MCHR2: variants seen among roughly 807,000 people sequenced by gnomAD.
MCHR2 encodes melanin concentrating hormone receptor 2.
A neutral mutation model predicts 24.8 loss-of-function variants in MCHR2; 15 were observed. The observed-to-expected ratio is 0.60, with a 90% CI of 0.40 to 0.93. The LOEUF is 0.93. Among genes scored for constraint, MCHR2 ranks in the 40% least tolerant of loss-of-function variants. MCHR2 has a pLI of 0.00. For synonymous variants in MCHR2, 151 were observed against 147.6 expected (o/e 1.02, Z -0.17); for missense variants, 386 against 408.7 (o/e 0.94, Z 0.48).
intron 1 of MCHR2, among the ~76,000 whole-genome samples, chr6:99,971,729 C>T (rs542505613): frequency 1.8e-4 from 27 of 152,264 alleles, no homozygotes; most frequent in Admixed American, 5.9e-4. Flanking sequence ...TTTTGAGATA[C>T]GTCCCACCAA....
At chr6:99,931,552 C>T (rs1195323270) in intron 5 of MCHR2, among the ~76,000 whole-genome samples, 1 of 152,142 alleles carries the variant, frequency 6.6e-6, no homozygotes, top group Non-Finnish European at 1.5e-5. Context: ...GGCGGGCAAC[C>T]CTCCCCCACC....
At chr6:99,935,364 C>T (rs1774635194) in intron 4 of MCHR2, among the ~76,000 whole-genome samples, 1 of 151,882 alleles carries the variant, frequency 6.6e-6, no homozygotes, top group Non-Finnish European at 1.5e-5. Flanking sequence ...CTTCTTTACC[C>T]ACTTCCTCTA....
chr6:99,979,696 A>G (rs777374945), intron 1 of MCHR2, among the ~76,000 whole-genome samples: 5 of 152,154 alleles, frequency 3.3e-5, no homozygotes, highest in Non-Finnish European at 7.4e-5. Context: ...TGTTCCTCCT[A>G]TTTGTCTTGG....
Position 99,947,968 on chromosome 6 carries a change from G to A in MCHR2, c.186C>T (p.Ser62=). 6.2e-7 allele frequency: 1 copy of A among 1,612,542 alleles called. No homozygotes were observed. Among genetic ancestry groups the A allele is most frequent in the Non-Finnish European group, 8.5e-7 (1 of 1,179,024 alleles). Residue 62 remains serine (S), a synonymous_variant, in exon 3 of 6, where the codon TCC becomes TCT. Transcript: ENST00000281806. ...AGATGTCAGGGACTGTTTTTTTCCT[G>A]GATCTGAAAGAGATAGAGGAAACTG... ...NILIVFTIIR[S]RKKTVPDIYI... is the part of the protein sequence containing the mutation.
At chr6:99,936,554 T>C (rs1774664763) in intron 4 of MCHR2, among the ~76,000 whole-genome samples, 1 of 152,076 alleles carries the variant, frequency 6.6e-6, no homozygotes, top group African/African-American at 2.4e-5. Flanking sequence ...CGTCAATGTG[T>C]CTTTTTATGC....
chr6:99,967,400 A>G (rs911987119), intron 1 of MCHR2, among the ~76,000 whole-genome samples: 6 of 152,186 alleles, frequency 3.9e-5, no homozygotes, highest in African/African-American at 1.2e-4. Context: ...AATGTATGGC[A>G]AAGAGGAACA....
At chr6:99,971,287 G>A (rs907363805) in intron 1 of MCHR2, among the ~76,000 whole-genome samples, 16 of 150,996 alleles carry the variant, frequency 1.1e-4, no homozygotes, top group Middle Eastern at 3.5e-3. Context: ...TCCCTTGTAA[G>A]TTGGATTCCT....
At chr6:99,953,602 T>A (rs1775006173) in intron 2 of MCHR2, among the ~76,000 whole-genome samples, 1 of 152,102 alleles carries the variant, frequency 6.6e-6, no homozygotes, top group Non-Finnish European at 1.5e-5. Flanking sequence ...GTTTTTAAAG[T>A]CTTTCTTGTA....
At chr6:99,989,270 T>C (rs1272175899) in intron 1 of MCHR2, among the ~76,000 whole-genome samples, 1 of 152,038 alleles carries the variant, frequency 6.6e-6, no homozygotes, top group Non-Finnish European at 1.5e-5. Flanking sequence ...AAAAAATTAT[T>C]GCCTAGATTT....
At chr6:99,993,696 G>T (rs1775930820) in intron 1 of MCHR2, among the ~76,000 whole-genome samples, 1 of 152,044 alleles carries the variant, frequency 6.6e-6, no homozygotes, top group South Asian at 2.1e-4. Context: ...TGCCGAGTGT[G>T]AAACCAGCCG....
intron 1 of MCHR2, among the ~76,000 whole-genome samples, chr6:99,957,396 A>T (rs557317267): frequency 2.0e-4 from 31 of 152,236 alleles, no homozygotes; most frequent in African/African-American, 6.3e-4. Flanking sequence ...ATGTGATTTT[A>T]AAAAAATGTT....
In MCHR2 at chr6:99,943,070, C is replaced by A; in HGVS notation, c.466G>T (p.Gly156Cys). The A allele has an allele frequency of 6.2e-7, 1 of 1,613,200 alleles. No homozygotes were observed. Among genetic ancestry groups the A allele is most frequent in the Non-Finnish European group, 8.5e-7 (1 of 1,179,446 alleles). ...TRYKTIRINL[G>C]LWAASFILAL... ...AGGATAAAGGAAGCTGCCCAAAGGC[C>A]CAAATTGATCCGGATGGTCTTGTAC... The change falls in exon 4 of 6, where the codon GGC becomes TGC. Residue 156 changes from glycine (G) to cysteine (C), a missense_variant. Physicochemically the swap from Gly to Cys is radical, Grantham distance 159. Coordinates refer to ENST00000281806, the MANE Select transcript of MCHR2 (RefSeq NM_001040179.2).
At chr6:99,951,850 G>A (rs983893634) in intron 2 of MCHR2, among the ~76,000 whole-genome samples, 5 of 152,084 alleles carry the variant, frequency 3.3e-5, no homozygotes, top group Non-Finnish European at 7.4e-5. Flanking sequence ...TGTCCATCTC[G>A]TAACCTCTGT....
intron 5 of MCHR2, among the ~76,000 whole-genome samples, chr6:99,930,870 C>T (rs1774507043): frequency 6.6e-6 from 1 of 152,180 alleles, no homozygotes; most frequent in African/African-American, 2.4e-5. Flanking sequence ...CAGCTTTGTT[C>T]CATTGCTGGT....
rs916901742 is a variant in MCHR2, at chr6:99,919,600, TAA to T, written c.*1338_*1339del. On this transcript the variant is annotated 3_prime_UTR_variant, in exon 6 of 6. Coordinates refer to ENST00000281806, the MANE Select transcript of MCHR2 (RefSeq NM_001040179.2). Reference sequence around the variant, plus strand: ...CATTGTTTCCTTTCCTAACTATATATAAGTCTAAAGAGGAAAGATAGATATAA... The same window carrying T: ...CATTGTTTCCTTTCCTAACTATATATGTCTAAAGAGGAAAGATAGATATAA... Among the ~76,000 whole-genome samples, 9 of 152,116 alleles carry T rather than the reference TAA, an allele frequency of 5.9e-5. No homozygotes were observed. The highest frequency in any genetic ancestry group is 1.0e-4 in the Non-Finnish European group (7 of 68,032).
chr6:99,977,258 C>A (rs992026064), intron 1 of MCHR2, among the ~76,000 whole-genome samples: 8 of 152,128 alleles, frequency 5.3e-5, no homozygotes, highest in Admixed American at 4.6e-4. Context: ...AGCGAATGTT[C>A]TTTGAGGATT....
intron 1 of MCHR2, among the ~76,000 whole-genome samples, chr6:99,956,789 A>G (rs935434947): frequency 2.6e-5 from 4 of 152,152 alleles, no homozygotes; most frequent in Non-Finnish European, 4.4e-5. Context: ...AAAATAAACA[A>G]GTAAATAAAG....
intron 2 of MCHR2, among the ~76,000 whole-genome samples, chr6:99,951,112 C>T (rs962130158): frequency 6.6e-6 from 1 of 152,110 alleles, no homozygotes; most frequent in Non-Finnish European, 1.5e-5. Flanking sequence ...CTCCCTTTTC[C>T]CTCCAGCTTG....
chr6:99,970,529 G>A (rs2114567027), intron 1 of MCHR2, among the ~76,000 whole-genome samples: 1 of 152,190 alleles, frequency 6.6e-6, no homozygotes, highest in Middle Eastern at 3.4e-3. Flanking sequence ...CACTCTGATG[G>A]TCGTTTCTTT....
Sources: gnomAD v4.1 joint callset for allele counts (sites outside exome capture counted in the v4.1 genomes callset) on GRCh38, gnomAD v4.1.1 for gene constraint, MANE v1.5 for transcripts, NCBI Gene and HGNC (gene_info 2026-07-23, HGNC 2026-07-21) for gene names.